GRK4: variants seen among roughly 807,000 people sequenced by gnomAD.
GRK4 encodes G protein-coupled receptor kinase 2-like.
A neutral mutation model predicts 77.9 loss-of-function variants in GRK4; 73 were observed. The ratio of observed to expected loss-of-function variants is 0.94; its 90% confidence interval spans 0.78 to 1.14. GRK4 has a LOEUF of 1.14. Ranked by LOEUF, GRK4 falls within the 50% of genes most tolerant of loss-of-function variation. The pLI is 0.00. For synonymous variants in GRK4, 257 were observed against 254.4 expected, an observed-to-expected ratio of 1.01 and a Z score of -0.10; for missense variants, 729 against 700.2, an observed-to-expected ratio of 1.04 and a Z score of -0.46.
chr4:2,975,413 A>C (rs1194237939), intron 1 of GRK4, among the ~76,000 whole-genome samples: 1 of 152,098 alleles, frequency 6.6e-6, no homozygotes, highest in African/African-American at 2.4e-5. Flanking sequence ...CCTCATACCT[A>C]ATATACCGTG....
intron 1 of GRK4, among the ~76,000 whole-genome samples, chr4:2,971,706 A>G (rs1169540176): frequency 6.6e-6 from 1 of 152,232 alleles, no homozygotes; most frequent in Admixed American, 6.5e-5. Context: ...GCCGGAGTGC[A>G]AAATCAAGTT....
At chr4:2,990,437 A>G (rs572064182) in intron 3 of GRK4, among the ~76,000 whole-genome samples, 26 of 151,878 alleles carry the variant, frequency 1.7e-4, no homozygotes, top group Admixed American at 7.2e-4. Flanking sequence ...TTGTATTTTT[A>G]GTAGAGACGG....
At chr4:2,983,420 A>G (rs1242547327) in intron 1 of GRK4, among the ~76,000 whole-genome samples, 1 of 152,210 alleles carries the variant, frequency 6.6e-6, no homozygotes, top group Non-Finnish European at 1.5e-5. Flanking sequence ...CATTTCTCTG[A>G]GTTGAATTAA....
At chr4:3,036,195 C>T (rs2110086978) in intron 13 of GRK4, among the ~76,000 whole-genome samples, 1 of 152,328 alleles carries the variant, frequency 6.6e-6, no homozygotes, top group South Asian at 2.1e-4. Context: ...TGAGGCCCTG[C>T]TTCCTTTGTC....
At chr4:3,036,872 G>C (rs1028535060) in intron 13 of GRK4, among the ~76,000 whole-genome samples, 7 of 152,204 alleles carry the variant, frequency 4.6e-5, no homozygotes, top group Admixed American at 2.0e-4. Context: ...GGAGGCAGGG[G>C]CGAGAATTGT....
At chr4:3,035,244 CA>C (rs58308936) in intron 12 of GRK4, 141 bp from the exon 13 acceptor site, 2 of 883,710 alleles carry the variant, frequency 2.3e-6, no homozygotes, top group Non-Finnish European at 1.8e-6. Flanking sequence ...GACTCCATCT[CA>C]AAAAAAGAAA....
intron 1 of GRK4, among the ~76,000 whole-genome samples, 191 bp from the exon 2 acceptor site, chr4:2,984,322 T>A (rs1419046): frequency 0.38 from 58,308 of 152,036 alleles, 11,947 homozygotes; most frequent in African/African-American, 0.51. Context: ...GACAGATTGC[T>A]TCCCTTGGGA....
rs769469513 is a variant in GRK4, at chr4:2,976,631, CT to C, written c.53-7861del. 5.5e-3 allele frequency among the ~76,000 whole-genome samples: 644 copies of C among 117,336 alleles called. 1 individual carries two copies. The highest frequency in any genetic ancestry group is 0.011 in the African/African-American group (353 of 30,882). 77.0% of individuals were successfully genotyped at this position (117,336 alleles called of 152,430 possible). The stretch of plus-strand genomic sequence containing the variant: ...TCTCAAGCTTGAATTTTCTTTCTTT[CT>C]TTTTTTTTTTTTTTTTTTTTGGTTT... On this transcript the variant is annotated intron_variant, in intron 1 of 15. Transcript: ENST00000398052.
intron 1 of GRK4, among the ~76,000 whole-genome samples, chr4:2,973,709 C>T (rs1445184145): frequency 3.3e-5 from 5 of 152,202 alleles, no homozygotes; most frequent in Admixed American, 6.6e-5. Context: ...CAGCGTCTCA[C>T]CTGGAACACC....
In GRK4 at chr4:3,022,408, T is replaced by G; in HGVS notation, c.933-6T>G. The G allele has an allele frequency of 6.2e-7, 1 of 1,613,792 alleles. No homozygotes were observed. On this transcript the variant is annotated splice_polypyrimidine_tract_variant and splice_region_variant and intron_variant, in intron 9 of 15. Transcript: ENST00000398052. ...TAATTGGGCCTTTTGTTGTTGTTTC[T>G]TGTAGAGACTTGAAGCCTGAGAATA...
chr4:2,966,855 C>T (rs899855527), intron 1 of GRK4: 2 of 152,180 alleles, frequency 1.3e-5, no homozygotes, highest in Non-Finnish European at 2.9e-5. Flanking sequence ...CGGTCATTTC[C>T]TGGATTTATT....
At chr4:3,039,330 A>G (rs1027864680) in intron 15 of GRK4, among the ~76,000 whole-genome samples, 13 of 152,276 alleles carry the variant, frequency 8.5e-5, no homozygotes, top group African/African-American at 3.1e-4. Context: ...GGGCCATCCT[A>G]CTTTGCACCC....
At chr4:2,965,589 G>A in intron 1 of GRK4, 1 of 643,342 alleles carries the variant, frequency 1.6e-6, no homozygotes, top group Admixed American at 2.2e-5. Flanking sequence ...CACGCTTGTA[G>A]TCCCAGCTAC....
At position 2,988,769 on chromosome 4, in the gene GRK4, G is replaced by T; in HGVS notation, c.191G>T (p.Arg64Ile). Residue 64 changes from arginine (R) to isoleucine (I), a missense_variant, in exon 3 of 16, where the codon AGA (arginine) becomes ATA (isoleucine). Arg to Ile is a moderately conservative substitution (Grantham distance 97). Transcript: ENST00000398052. The part of the protein sequence containing the change: ...SSLCDKQPIG[R>I]RLFRQFCDTK... ...CTTTGTGACAAGCAACCGATAGGAA[G>T]ACGTCTCTTCAGGCAGTTCTGTGAT... is the stretch of plus-strand genomic sequence containing the variant. The T allele has an allele frequency of 6.2e-7, 1 of 1,613,364 alleles. No homozygotes were observed.
chr4:3,030,608 G>A (rs1051256016), intron 12 of GRK4, among the ~76,000 whole-genome samples: 1 of 152,024 alleles, frequency 6.6e-6, no homozygotes, highest in Non-Finnish European at 1.5e-5. Context: ...GCACTCTGGA[G>A]GACGGGGAAC....
At position 3,037,414 on chromosome 4, in the gene GRK4, A is replaced by G. The variant is rs756057921; in HGVS notation, c.1448A>G (p.Gln483Arg). Residue 483 changes from glutamine (Q) to arginine (R), a missense_variant, in exon 14 of 16, where the codon CAG becomes CGG. Gln to Arg is a conservative substitution (Grantham distance 43). Transcript: ENST00000398052. ...VYCKDVLDIE[Q>R]FSVVKGIYLD... Reference sequence around the variant, plus strand: ...TGTAAGGACGTCCTGGATATCGAGCAGTTCTCGGTGGTGAAAGGGATCTAC... The same window carrying G: ...TGTAAGGACGTCCTGGATATCGAGCGGTTCTCGGTGGTGAAAGGGATCTAC... 4.4e-6 allele frequency: 7 copies of G among 1,608,908 alleles called. No homozygotes were observed. In the East Asian group the frequency reaches 1.1e-4, roughly 26 times the overall value.
chr4:3,007,676 A>T, intron 5 of GRK4, 60 bp from the exon 6 acceptor site: 1 of 1,076,902 alleles, frequency 9.3e-7, no homozygotes, highest in African/African-American at 1.6e-5. Context: ...GCACTAAAAC[A>T]CACTTGTTTT....
intron 9 of GRK4, among the ~76,000 whole-genome samples, chr4:3,022,123 A>G (rs1028964804): frequency 6.6e-6 from 1 of 152,250 alleles, no homozygotes; most frequent in Non-Finnish European, 1.5e-5. Flanking sequence ...TGCCACGTTC[A>G]TTAAGGACTG....
chr4:3,028,888 C>T (rs2110046188), intron 11 of GRK4, among the ~76,000 whole-genome samples: 1 of 152,230 alleles, frequency 6.6e-6, no homozygotes, highest in African/African-American at 2.4e-5. Flanking sequence ...TCTCCTGCCT[C>T]AGCTTCCTGA....
Sources: allele counts gnomAD v4.1 joint callset (sites outside exome capture counted in the v4.1 genomes callset), GRCh38; gene constraint gnomAD v4.1.1; transcripts MANE v1.5; gene names NCBI Gene and HGNC (gene_info 2026-07-23, HGNC 2026-07-21).